The following YY2 variants were observed in gnomAD, a reference collection of about 807,000 sequenced individuals.
YY2 encodes YY2 transcription factor, also known as transcription factor YY2.
For synonymous variants in YY2, 157 were observed against 131.2 expected, an observed-to-expected ratio of 1.20 and a Z score of -1.35; for missense variants, 254 against 305.3, an observed-to-expected ratio of 0.83 and a Z score of 1.25.
Position 21,856,474 on chromosome X carries a change from A to C in YY2, c.-11A>C. 1 of 1,198,905 alleles carries C rather than the reference A, an allele frequency of 8.3e-7. No homozygotes were observed. The highest frequency in any genetic ancestry group is 1.1e-6 in the Non-Finnish European group (1 of 888,530). On this transcript the variant is annotated 5_prime_UTR_variant, in exon 1 of 1. Coordinates refer to ENST00000429584, the MANE Select transcript of YY2 (RefSeq NM_206923.4). ...TCTTCCCGTTGCCGCTAACCTAACT[A>C]ACTCTCAGCCATGGCCTCCAACGAA...
chrX:21,856,256 T>C lies in YY2; in HGVS notation c.-229T>C, dbSNP rs1215876185. 1 of 412,356 alleles carries C rather than the reference T, an allele frequency of 2.4e-6. No homozygotes were observed. The highest frequency in any genetic ancestry group is 4.1e-6 in the Non-Finnish European group (1 of 242,680). 34.0% of individuals were successfully genotyped at this position (412,356 alleles called of 1,213,427 possible). On this transcript the variant is annotated 5_prime_UTR_variant, in exon 1 of 1. Coordinates refer to ENST00000429584, the MANE Select transcript of YY2 (RefSeq NM_206923.4). The stretch of plus-strand genomic sequence containing the variant: ...GGCTATCCCAGAAGCACCTGCGCCT[T>C]CCGGCTCGTGCTTTCCTCAGTCTCG...
chrX:21,857,105 A>G lies in YY2; in HGVS notation c.621A>G (p.Pro207=), dbSNP rs1383233097. 1 of 1,209,550 alleles carries G rather than the reference A, an allele frequency of 8.3e-7. No homozygotes were observed. Among genetic ancestry groups the G allele is most frequent in the African/African-American group, 1.8e-5 (1 of 56,959 alleles). Residue 207 remains proline (P), a synonymous_variant, in exon 1 of 1, where the codon CCA becomes CCG. Coordinates refer to ENST00000429584, the MANE Select transcript of YY2 (RefSeq NM_206923.4). ...TGGGTGAAGGCCAGGCTGAAAACCC[A>G]CCTGATTATTCCGAGTACTTGAAAG... is the stretch of plus-strand genomic sequence containing the variant. ...GAVGEGQAEN[P]PDYSEYLKGK...
At position 21,856,424 on chromosome X, in the gene YY2, C is replaced by A. The variant is rs772243674; in HGVS notation, c.-61C>A. 3.7e-5 allele frequency: 42 copies of A among 1,141,980 alleles called. 1 individual carries two copies. The Admixed American group carries it at 7.3e-4, about 20-fold the overall frequency. 94.1% of individuals were successfully genotyped at this position (1,141,980 alleles called of 1,213,427 possible). ...CTTCCTCTGCAGCTCCCACCTCACT[C>A]CCCTCAGCGTTCTTTTTCCCACGGT... is the stretch of plus-strand genomic sequence containing the variant. On this transcript the variant is annotated 5_prime_UTR_variant, in exon 1 of 1. Transcript: ENST00000429584.
In YY2 at chrX:21,856,757, C is replaced by T. The variant is rs1196997673; in HGVS notation, c.273C>T (p.Cys91=). The T allele has an allele frequency of 5.0e-6, 6 of 1,209,863 alleles. No individual in the cohort carries two copies. The African/African-American group carries it at 7.0e-5, about 14-fold the overall frequency. ...CACAAGAGGAAGTGGTGGGCTATTG[C>T]GACTCAGACAACCAGCTAGGCAACG... ...LQTQEEVVGY[C]DSDNQLGNDL... is the part of the protein sequence containing the mutation. The change falls in exon 1 of 1, where the codon TGC becomes TGT. Residue 91 remains cysteine (C), a synonymous_variant. Coordinates refer to ENST00000429584, the MANE Select transcript of YY2 (RefSeq NM_206923.4).
In YY2 at chrX:21,857,381, A is replaced by G. The variant is rs757940568; in HGVS notation, c.897A>G (p.Arg299=). The G allele has an allele frequency of 8.2e-7, 1 of 1,212,319 alleles. No individual in the cohort carries two copies. Among genetic ancestry groups the G allele is most frequent in the South Asian group, 1.8e-5 (1 of 57,044 alleles). ...GKAFLESSKL[R]RHQLVHTGEK... ...CTTTTCTTGAGAGCTCAAAGCTGAG[A>G]CGACACCAGCTGGTCCACACCGGCG... Residue 299 remains arginine (R), a synonymous_variant, in exon 1 of 1, where the codon AGA becomes AGG. Coordinates refer to ENST00000429584, the MANE Select transcript of YY2 (RefSeq NM_206923.4).
chrX:21,857,657 GAATA>G lies in YY2; in HGVS notation c.*59_*62del. ...AATTATCTTCCAGGACTGCGGTAGG[GAATA>G]AATATGCCTCTCAAAGCTTTGTATG... On this transcript the variant is annotated 3_prime_UTR_variant, in exon 1 of 1. Coordinates refer to ENST00000429584, the MANE Select transcript of YY2 (RefSeq NM_206923.4). 9.2e-7 allele frequency: 1 copy of G among 1,088,770 alleles called. No homozygotes were observed. Among genetic ancestry groups the G allele is most frequent in the Non-Finnish European group, 1.2e-6 (1 of 811,897 alleles). 89.7% of individuals were successfully genotyped at this position (1,088,770 alleles called of 1,213,427 possible).
At position 21,856,505 on chromosome X, in the gene YY2, C is replaced by A; in HGVS notation, c.21C>A (p.Phe7Leu). Residue 7 changes from phenylalanine (F) to leucine (L), a missense_variant, in exon 1 of 1, where the codon TTC becomes TTA. Phe to Leu is a conservative substitution (Grantham distance 22). Coordinates refer to ENST00000429584, the MANE Select transcript of YY2 (RefSeq NM_206923.4). MASNED[F>L]SITQDLEIPA... is the part of the protein sequence containing the mutation. The stretch of plus-strand genomic sequence containing the variant: ...CAGCCATGGCCTCCAACGAAGATTT[C>A]TCCATCACACAAGACCTGGAGATCC... 2 of 1,208,989 alleles carry A rather than the reference C, an allele frequency of 1.7e-6. No individual in the cohort carries two copies. The highest frequency in any genetic ancestry group is 2.2e-6 in the Non-Finnish European group (2 of 893,859).
Position 21,856,422 on chromosome X carries a change from C to T in YY2, c.-63C>T. The T allele has an allele frequency of 8.8e-7, 1 of 1,138,657 alleles. No homozygotes were observed. 93.8% of individuals were successfully genotyped at this position (1,138,657 alleles called of 1,213,427 possible). A position where few individuals can be genotyped will look rare whatever the true frequency, so the allele number is the denominator to read the frequency against. On this transcript the variant is annotated 5_prime_UTR_variant, in exon 1 of 1. Transcript: ENST00000429584. ...CCCTTCCTCTGCAGCTCCCACCTCA[C>T]TCCCCTCAGCGTTCTTTTTCCCACG...
In YY2 at chrX:21,856,762, C is replaced by T; in HGVS notation, c.278C>T (p.Ser93Leu). ...TQEEVVGYCD[S>L]DNQLGNDLED... Reference sequence around the variant, plus strand: ...GAGGAAGTGGTGGGCTATTGCGACTCAGACAACCAGCTAGGCAACGACTTG... The same window carrying T: ...GAGGAAGTGGTGGGCTATTGCGACTTAGACAACCAGCTAGGCAACGACTTG... Residue 93 changes from serine (S) to leucine (L), a missense_variant, in exon 1 of 1, where the codon TCA becomes TTA. Ser to Leu is a moderately radical substitution (Grantham distance 145). Transcript: ENST00000429584. 1.7e-6 allele frequency: 2 copies of T among 1,211,869 alleles called. No homozygotes were observed. The highest frequency in any genetic ancestry group is 3.5e-5 in the South Asian group (2 of 56,982).
chrX:21,856,686 A>G lies in YY2; in HGVS notation c.202A>G (p.Asn68Asp). 1 of 1,210,054 alleles carries G rather than the reference A, an allele frequency of 8.3e-7. No homozygotes were observed. The highest frequency in any genetic ancestry group is 3.0e-5 in the East Asian group (1 of 33,763). The change falls in exon 1 of 1, where the codon AAC becomes GAC. Residue 68 changes from asparagine (N) to aspartate (D), a missense_variant. By Grantham distance (23) the Asn-to-Asp change is conservative (BLOSUM62 1). Transcript: ENST00000429584. The stretch of plus-strand genomic sequence containing the variant: ...GATGGTGTTGCAGCCGCTCTTCACG[A>G]ACACGGGCTATGGCGACCACGACCA... ...PLMVLQPLFT[N>D]TGYGDHDQEM...
At position 21,858,046 on chromosome X, in the gene YY2, T is replaced by C. The variant is rs2092925944; in HGVS notation, c.*443T>C. The C allele has an allele frequency of 8.0e-6, 1 of 125,532 alleles. No homozygotes were observed. Among genetic ancestry groups the C allele is most frequent in the Non-Finnish European group, 1.8e-5 (1 of 54,583 alleles). The allele number at this position is 125,532 out of a possible 1,213,427, so 10.3% of individuals were successfully genotyped here. A position where few individuals can be genotyped will look rare whatever the true frequency, so the allele number is the denominator to read the frequency against. Reference sequence around the variant, plus strand: ...ATATGCTTAATAAGTCTATGTATGGTTTTTCTGGAGGTTGATAACTTTGGG... The same window carrying C: ...ATATGCTTAATAAGTCTATGTATGGCTTTTCTGGAGGTTGATAACTTTGGG... On this transcript the variant is annotated 3_prime_UTR_variant, in exon 1 of 1. Coordinates refer to ENST00000429584, the MANE Select transcript of YY2 (RefSeq NM_206923.4).
rs746110878 is a variant in YY2 at position 21,857,477 on chromosome X, C to T, written c.993C>T (p.His331=). The T allele has an allele frequency of 3.3e-6, 4 of 1,212,229 alleles. No individual in the cohort carries two copies. The South Asian group carries it at 7.0e-5, about 21-fold the overall frequency. Residue 331 remains histidine (H), a synonymous_variant, in exon 1 of 1, where the codon CAC becomes CAT. Transcript: ENST00000429584. ...CCCTTGATTTCAATTTGCGCACACA[C>T]TTGCGCATCCACACCGGCGATAAGC... ...RFSLDFNLRT[H]LRIHTGDKPF... is the part of the protein sequence containing the mutation.
At position 21,857,584 on chromosome X, in the gene YY2, A is replaced by G; in HGVS notation, c.1100A>G (p.Lys367Arg). 1 of 1,206,440 alleles carries G rather than the reference A, an allele frequency of 8.3e-7. No homozygotes were observed. The highest frequency in any genetic ancestry group is 1.1e-6 in the Non-Finnish European group (1 of 892,109). ...NLKTHILTHV[K>R]TKNNP is the part of the protein sequence containing the mutation. ...AAAACCCACATATTAACGCATGTGA[A>G]GACCAAAAACAACCCGTGAAAAGGA... is the stretch of plus-strand genomic sequence containing the variant. The change falls in exon 1 of 1, where the codon AAG (lysine) becomes AGG (arginine). Residue 367 changes from lysine (K) to arginine (R), a missense_variant. Lys to Arg is a conservative substitution (Grantham distance 26, BLOSUM62 2). Transcript: ENST00000429584.
In YY2 at chrX:21,856,489, C is replaced by T. The variant is rs191133633; in HGVS notation, c.5C>T (p.Ala2Val). The T allele has an allele frequency of 8.3e-7, 1 of 1,205,546 alleles. No homozygotes were observed. The highest frequency in any genetic ancestry group is 1.8e-5 in the South Asian group (1 of 55,857). Reference protein sequence around the residue: MASNEDFSITQD... With the variant: MVSNEDFSITQD... ...TAACCTAACTAACTCTCAGCCATGG[C>T]CTCCAACGAAGATTTCTCCATCACA... The change falls in exon 1 of 1, where the codon GCC becomes GTC. Residue 2 changes from alanine to valine, a missense_variant. Coordinates refer to ENST00000429584, the MANE Select transcript of YY2 (RefSeq NM_206923.4).
rs760844390 is a variant in YY2, at chrX:21,856,223, A to G, written c.-262A>G. ...ACAGACGCGCCAGTTGCCTAGGCGC[A>G]TGCGTCTGGCTATCCCAGAAGCACC... On this transcript the variant is annotated 5_prime_UTR_variant, in exon 1 of 1. It removes an upstream start codon present in the reference 5' UTR. Transcript: ENST00000429584. 11 of 359,691 alleles carry G rather than the reference A, an allele frequency of 3.1e-5. No individual in the cohort carries two copies. In the East Asian group the frequency reaches 3.9e-4, roughly 13 times the overall value. 29.6% of individuals were successfully genotyped at this position (359,691 alleles called of 1,213,427 possible). A position where few individuals can be genotyped will look rare whatever the true frequency, so the allele number is the denominator to read the frequency against.
In YY2 at chrX:21,857,838, T is replaced by G; in HGVS notation, c.*235T>G. 3.0e-6 allele frequency: 1 copy of G among 327,870 alleles called. No individual in the cohort carries two copies. Among genetic ancestry groups the G allele is most frequent in the Non-Finnish European group, 5.3e-6 (1 of 190,411 alleles). 27.0% of individuals were successfully genotyped at this position (327,870 alleles called of 1,213,427 possible). On this transcript the variant is annotated 3_prime_UTR_variant, in exon 1 of 1. Transcript: ENST00000429584. ...GATGCCATAGCTTGTTCTGTAACTA[T>G]TTTTGTAAAGTTTGGTCCCAACAGG...
rs556765004 is a variant in YY2, at chrX:21,857,753, T to C, written c.*150T>C. 5.2e-4 allele frequency: 330 copies of C among 639,529 alleles called. 1 individual carries two copies. In the South Asian group the frequency reaches 0.013, roughly 25 times the overall value. 52.7% of individuals were successfully genotyped at this position (639,529 alleles called of 1,213,427 possible). ...TAAGGTTCGTGTTTTGTTAGAGTAGTAAAAATAGAATTTAAACGTTTTTAA... is the reference window on the plus strand; with the variant it reads ...TAAGGTTCGTGTTTTGTTAGAGTAGCAAAAATAGAATTTAAACGTTTTTAA... On this transcript the variant is annotated 3_prime_UTR_variant, in exon 1 of 1. Coordinates refer to ENST00000429584, the MANE Select transcript of YY2 (RefSeq NM_206923.4).
Position 21,856,866 on chromosome X carries a change from GCATCAA to G in YY2, c.396_401del (p.Ser133_Thr134del), listed in dbSNP as rs768424915. 1.3e-5 allele frequency: 16 copies of G among 1,209,620 alleles called. 1 individual carries two copies. The highest frequency in any genetic ancestry group is 7.0e-5 in the African/African-American group (4 of 57,084). ...CCTGGCCTCTCTGTCGGCCTCGGCG[GCATCAA>G]CATCAACATCAACCCAGAGCCGCAG... On this transcript the variant is annotated inframe_deletion, in exon 1 of 1. Transcript: ENST00000429584.
At position 21,856,468 on chromosome X, in the gene YY2, C is replaced by G. The variant is rs370374171; in HGVS notation, c.-17C>G. The G allele has an allele frequency of 5.0e-6, 6 of 1,193,231 alleles. No homozygotes were observed. In the African/African-American group the frequency reaches 7.1e-5, roughly 14 times the overall value. On this transcript the variant is annotated 5_prime_UTR_variant, in exon 1 of 1. Coordinates refer to ENST00000429584, the MANE Select transcript of YY2 (RefSeq NM_206923.4). ...CCACGGTCTTCCCGTTGCCGCTAAC[C>G]TAACTAACTCTCAGCCATGGCCTCC...
Sources: allele counts gnomAD v4.1 joint callset, GRCh38; gene constraint gnomAD v4.1.1; transcripts MANE v1.5; gene names NCBI Gene and HGNC (gene_info 2026-07-23, HGNC 2026-07-21).